Variants in ZBTB10 observed in about 807,000 individuals in gnomAD.
ZBTB10 encodes the protein zinc finger and BTB domain containing 10, also known as zinc finger and BTB domain-containing protein 10.
Under a neutral mutation model 76.4 loss-of-function variants are expected in ZBTB10, and 32 were observed. The observed-to-expected ratio is 0.42, with a 90% CI of 0.32 to 0.56. The LOEUF is 0.56. ZBTB10 is among the 20% of genes least tolerant of loss of function. The pLI is 0.14. For synonymous variants in ZBTB10, 523 were observed against 432.9 expected (o/e 1.21, Z -2.58); for missense variants, 1,057 against 1,098.5 (o/e 0.96, Z 0.53).
rs1816429061 is a variant in ZBTB10 at position 80,520,645 on chromosome 8, T to TCA, written c.*1117_*1118insCA. ...TCATACTTAGCGGGATATTGATTGT[T>TCA]TTGAAATTATGATCAATACTTAATT... On this transcript the variant is annotated 3_prime_UTR_variant, in exon 6 of 6. Coordinates refer to ENST00000455036, the MANE Select transcript of ZBTB10 (RefSeq NM_001105539.3). The TCA allele has an allele frequency of 6.6e-6, 1 of 152,114 alleles. No individual in the cohort carries two copies. Among genetic ancestry groups the TCA allele is most frequent in the Non-Finnish European group, 1.5e-5 (1 of 67,914 alleles). The allele number at this position is 152,114 out of a possible 1,614,324, so 9.4% of individuals were successfully genotyped here. A position where few individuals can be genotyped will look rare whatever the true frequency, so the allele number is the denominator to read the frequency against.
chr8:80,512,950 T>A (rs909867604), intron 2 of ZBTB10, among the ~76,000 whole-genome samples: 4 of 152,042 alleles, frequency 2.6e-5, no homozygotes, highest in African/African-American at 9.7e-5. Flanking sequence ...GAAAGTGATG[T>A]CCATTTTTAG....
Position 80,486,261 on chromosome 8 carries a change from C to T in ZBTB10, c.-550C>T, listed in dbSNP as rs1815445166. The T allele has an allele frequency of 3.9e-6, 4 of 1,020,462 alleles. No individual in the cohort carries two copies. Among genetic ancestry groups the T allele is most frequent in the East Asian group, 1.0e-4 (1 of 9,696 alleles). The allele number at this position is 1,020,462 out of a possible 1,614,324, so 63.2% of individuals were successfully genotyped here. ...CGACCTCCGCCAGGGCCTGGTCGGA[C>T]GGAAACGCTCCGCCGGCTTTATTGT... On this transcript the variant is annotated 5_prime_UTR_variant, in exon 1 of 6. It adds an upstream start codon to the 5' untranslated region. Transcript: ENST00000455036.
rs1816467911 is a variant in ZBTB10, at chr8:80,522,410, A to C, written c.*2882A>C. ...AGAGTATAAACTTTCTTTCATATTC[A>C]CTCTGTAGTTACAGACCGTCTCATA... On this transcript the variant is annotated 3_prime_UTR_variant, in exon 6 of 6. Transcript: ENST00000455036. The C allele has an allele frequency of 6.6e-6, 1 of 151,778 alleles. No homozygotes were observed. Among genetic ancestry groups the C allele is most frequent in the Non-Finnish European group, 1.5e-5 (1 of 67,822 alleles). 9.4% of individuals were successfully genotyped at this position (151,778 alleles called of 1,614,324 possible). A position where few individuals can be genotyped will look rare whatever the true frequency, so the allele number is the denominator to read the frequency against.
At chr8:80,496,582 T>C (rs757957066) in intron 1 of ZBTB10, among the ~76,000 whole-genome samples, 18 of 152,158 alleles carry the variant, frequency 1.2e-4, no homozygotes, top group Non-Finnish European at 2.6e-4. Context: ...TGGGCAGATA[T>C]TTTGGTGGAT....
Position 80,487,300 on chromosome 8 carries a change from G to C in ZBTB10, c.490G>C (p.Glu164Gln). ...GCGAGGGCCGGCGACTGTGGATCTGGAGCTGGACGCGCTGGAGGGGAAGGA... is the reference window on the plus strand; with the variant it reads ...GCGAGGGCCGGCGACTGTGGATCTGCAGCTGGACGCGCTGGAGGGGAAGGA... The part of the protein sequence containing the change: ...NGRGPATVDL[E>Q]LDALEGKELM... Residue 164 changes from glutamate (E) to glutamine (Q), a missense_variant, in exon 1 of 6, where the codon GAG (glutamate) becomes CAG (glutamine). Transcript: ENST00000455036. The C allele has an allele frequency of 6.5e-7, 1 of 1,547,630 alleles. No homozygotes were observed. The highest frequency in any genetic ancestry group is 2.4e-5 in the East Asian group (1 of 40,932).
chr8:80,517,994 G>A (rs562695058), intron 3 of ZBTB10, among the ~76,000 whole-genome samples: 1 of 150,364 alleles, frequency 6.7e-6, no homozygotes, highest in African/African-American at 2.5e-5. Flanking sequence ...CAGTAGCTGG[G>A]ACTGCAGGCA....
At position 80,499,726 on chromosome 8, in the gene ZBTB10, A is replaced by G; in HGVS notation, c.1205A>G (p.Asn402Ser). Residue 402 changes from asparagine (N) to serine (S), a missense_variant, in exon 2 of 6, where the codon AAC (asparagine) becomes AGC (serine). This residue lies in a region of ZBTB10 where 86 missense variants were observed against 145.7 expected (regional missense o/e 0.59). Coordinates refer to ENST00000455036, the MANE Select transcript of ZBTB10 (RefSeq NM_001105539.3). ...LYCFSNKESP[N>S]QNNTTHLDIA... ...TGCTTTTCAAACAAAGAAAGCCCTA[A>G]CCAAAACAATACTACCCACTTAGAT... 1.2e-6 allele frequency: 2 copies of G among 1,613,984 alleles called. No homozygotes were observed. The highest frequency in any genetic ancestry group is 1.7e-6 in the Non-Finnish European group (2 of 1,179,868).
rs1327609964 is a variant in ZBTB10, at chr8:80,486,659, G to C, written c.-152G>C. The C allele has an allele frequency of 1.0e-6, 1 of 989,022 alleles. No individual in the cohort carries two copies. Among genetic ancestry groups the C allele is most frequent in the Non-Finnish European group, 1.2e-6 (1 of 832,552 alleles). 61.3% of individuals were successfully genotyped at this position (989,022 alleles called of 1,614,324 possible). A position where few individuals can be genotyped will look rare whatever the true frequency, so the allele number is the denominator to read the frequency against. ...AGACCCGGGAGCGAGCGCGAGCCGGGCTGCCGGGCGAGAGGGCGAGGCCGA... is the reference window on the plus strand; with the variant it reads ...AGACCCGGGAGCGAGCGCGAGCCGGCCTGCCGGGCGAGAGGGCGAGGCCGA... On this transcript the variant is annotated 5_prime_UTR_variant, in exon 1 of 6. Coordinates refer to ENST00000455036, the MANE Select transcript of ZBTB10 (RefSeq NM_001105539.3).
rs955974756 is a variant in ZBTB10, at chr8:80,515,557, CAAG to C, written c.1960+1554_1960+1556del. On this transcript the variant is annotated intron_variant, in intron 3 of 5. Transcript: ENST00000455036. ...CTCGTACAGAAAGTTGCTAACCGCG[CAAG>C]AAGATGTTACTGCACTTGCTTTCTC... Among the ~76,000 whole-genome samples the C allele has an allele frequency of 3.7e-4, 56 of 152,228 alleles. 1 individual carries two copies. The highest frequency in any genetic ancestry group is 1.3e-3 in the African/African-American group (53 of 41,542).
intron 3 of ZBTB10, among the ~76,000 whole-genome samples, chr8:80,514,412 T>C (rs1450461070): frequency 6.6e-6 from 1 of 152,210 alleles, no homozygotes; most frequent in East Asian, 1.9e-4. Context: ...CAGCAGTGCA[T>C]TGGAGGAAGC....
rs1050317459 is a variant in ZBTB10 at position 80,525,525 on chromosome 8, A to G, written c.*5997A>G. 1 of 151,504 alleles carries G rather than the reference A, an allele frequency of 6.6e-6. No individual in the cohort carries two copies. Among genetic ancestry groups the G allele is most frequent in the South Asian group, 2.1e-4 (1 of 4,830 alleles). 9.4% of individuals were successfully genotyped at this position (151,504 alleles called of 1,614,324 possible). On this transcript the variant is annotated 3_prime_UTR_variant, in exon 6 of 6. Coordinates refer to ENST00000455036, the MANE Select transcript of ZBTB10 (RefSeq NM_001105539.3). The stretch of plus-strand genomic sequence containing the variant: ...CAGTCTTCTTGGCGCAGGTCCTAAC[A>G]GTTGGTGAGATAATACATAAGATGG...
intron 2 of ZBTB10, 44 bp downstream of exon 2, chr8:80,500,426 T>C: frequency 7.0e-7 from 1 of 1,420,062 alleles, no homozygotes; most frequent in Non-Finnish European, 9.3e-7. Context: ...TCATCCTAAT[T>C]CTAGTTGGAT....
At chr8:80,485,675 T>G, upstream of ZBTB10, 1 of 940,368 alleles carries the variant, frequency 1.1e-6, no homozygotes, top group Non-Finnish European at 1.6e-6. Flanking sequence ...TCAAAGGAGG[T>G]TGTGTCCGTG....
rs1173089361 is a variant in ZBTB10, at chr8:80,525,767, G to A, written c.*6239G>A. On this transcript the variant is annotated 3_prime_UTR_variant, in exon 6 of 6. Coordinates refer to ENST00000455036, the MANE Select transcript of ZBTB10 (RefSeq NM_001105539.3). ...GAAGATTCCAGAGTACACTCAAATA[G>A]TATTTGGCACATAGCTTGTTGATCA... 6.6e-6 allele frequency: 1 copy of A among 152,150 alleles called. No individual in the cohort carries two copies. The highest frequency in any genetic ancestry group is 1.5e-5 in the Non-Finnish European group (1 of 68,026). The allele number at this position is 152,150 out of a possible 1,614,324, so 9.4% of individuals were successfully genotyped here.
chr8:80,517,773 G>A (rs1289646966), intron 3 of ZBTB10, among the ~76,000 whole-genome samples: 1 of 151,544 alleles, frequency 6.6e-6, no homozygotes, highest in African/African-American at 2.4e-5. Flanking sequence ...GCAACTATTA[G>A]GAGTTCTGGT....
Position 80,486,228 on chromosome 8 carries a change from T to G in ZBTB10, c.-583T>G. 1.9e-6 allele frequency: 2 copies of G among 1,041,546 alleles called. No homozygotes were observed. The highest frequency in any genetic ancestry group is 1.2e-6 in the Non-Finnish European group (1 of 867,478). 64.5% of individuals were successfully genotyped at this position (1,041,546 alleles called of 1,614,324 possible). A position where few individuals can be genotyped will look rare whatever the true frequency, so the allele number is the denominator to read the frequency against. On this transcript the variant is annotated 5_prime_UTR_variant, in exon 1 of 6. The change creates a new upstream start codon in the 5' untranslated region. Coordinates refer to ENST00000455036, the MANE Select transcript of ZBTB10 (RefSeq NM_001105539.3). Reference sequence around the variant, plus strand: ...TGTGGGCGCACGGTCCGTTGTTCATTTGCCATTCGACCTCCGCCAGGGCCT... The same window carrying G: ...TGTGGGCGCACGGTCCGTTGTTCATGTGCCATTCGACCTCCGCCAGGGCCT...
Position 80,510,639 on chromosome 8 carries a change from A to AGTGTGGGGGTGTGT in ZBTB10, c.1862-3266_1862-3265insGGGGTGTGTGTGTG, listed in dbSNP as rs60169757. The stretch of plus-strand genomic sequence containing the variant: ...AAAATAGCCGTCATTTTGTGAAACC[A>AGTGTGGGGGTGTGT]GTGTGTGTGTGTGTGTGTGTGTGTG... On this transcript the variant is annotated intron_variant, in intron 2 of 5. Coordinates refer to ENST00000455036, the MANE Select transcript of ZBTB10 (RefSeq NM_001105539.3). 3.0e-3 allele frequency among the ~76,000 whole-genome samples: 372 copies of AGTGTGGGGGTGTGT among 125,776 alleles called. 4 individuals carry two copies. The highest frequency in any genetic ancestry group is 0.011 in the African/African-American group (343 of 32,640). The allele number at this position is 125,776 out of a possible 152,430, so 82.5% of individuals were successfully genotyped here. A position where few individuals can be genotyped will look rare whatever the true frequency, so the allele number is the denominator to read the frequency against.
At chr8:80,493,193 A>ATGCGCGCGCGCGCGCGCG (rs1491520799) in intron 1 of ZBTB10, among the ~76,000 whole-genome samples, 1 of 124,446 alleles carries the variant, frequency 8.0e-6, no homozygotes, top group African/African-American at 3.2e-5. Flanking sequence ...GTGCCTCAAA[A>ATGCGCGCGCGCGCGCGCG]CGCGCGCGCG....
Position 80,500,078 on chromosome 8 carries a change from T to G in ZBTB10, c.1557T>G (p.Asp519Glu). Residue 519 changes from aspartate (D) to glutamate (E), a missense_variant, in exon 2 of 6, where the codon GAT becomes GAG. By Grantham distance (45) the Asp-to-Glu change is conservative. Around this residue, in one of 5 missense-constraint regions of ZBTB10, gnomAD observed 306 missense variants for 297.5 expected, o/e 1.03. Transcript: ENST00000455036. ...CAAGTAATGTAAAGATTGAAAATGA[T>G]GGTTGTAATGTCGACGAGGGCCAAA... ...NLASNVKIEN[D>E]GCNVDEGQIE... 6.2e-7 allele frequency: 1 copy of G among 1,613,942 alleles called. No homozygotes were observed. The highest frequency in any genetic ancestry group is 8.5e-7 in the Non-Finnish European group (1 of 1,179,864).
Sources: allele counts gnomAD v4.1 joint callset (sites outside exome capture counted in the v4.1 genomes callset), GRCh38; gene constraint gnomAD v4.1.1; regional missense constraint gnomAD v4.1.1; transcripts MANE v1.5; gene names NCBI Gene and HGNC (gene_info 2026-07-23, HGNC 2026-07-21).